The following PRKG1 variants were observed in gnomAD, a reference collection of about 807,000 sequenced individuals.
PRKG1 encodes protein kinase cGMP-dependent 1, also known as cGMP-dependent protein kinase 1.
In PRKG1, 35 loss-of-function variants were observed where a neutral mutation model predicts 88.1. The ratio of observed to expected loss-of-function variants is 0.40; its 90% CI spans 0.30 to 0.53. PRKG1 has a LOEUF of 0.53. PRKG1 is among the 20% of genes least tolerant of loss of function. The probability of loss-of-function intolerance (pLI) is 0.59; values close to 1 mark genes in which losing one functional copy is unlikely to be tolerated. For synonymous variants in PRKG1, 303 were observed against 292.5 expected (o/e 1.04, Z -0.37); for missense variants, 540 against 839.8 (o/e 0.64, Z 4.41).
intron 3 of PRKG1, among the ~76,000 whole-genome samples, chr10:51,495,495 C>A (rs1248964368): frequency 6.6e-6 from 1 of 152,162 alleles, no homozygotes; most frequent in Non-Finnish European, 1.5e-5. Context: ...GGAAAGATAT[C>A]ATTCCATATA....
chr10:51,320,080 C>T (rs139854146), intron 2 of PRKG1: 45 of 173,784 alleles, frequency 2.6e-4, no homozygotes, highest in African/African-American at 1.0e-3. Context: ...AGATCGGCAG[C>T]CTTCAGAAAC....
chr10:52,280,859 T>G lies in PRKG1; in HGVS notation c.1474T>G (p.Ser492Ala). ...GGTAGAAGCTTTTGCCTATCTGCAT[T>G]CCAAAGGAATCATTTACAGGGACCT... ...CVVEAFAYLH[S>A]KGIIYRDLKP... The change falls in exon 13 of 18, where the codon TCC becomes GCC. Residue 492 changes from serine to alanine, a missense_variant. By Grantham distance (99) the Ser-to-Ala change is moderately conservative. Transcript: ENST00000373980. 6.2e-7 allele frequency: 1 copy of G among 1,613,468 alleles called. No individual in the cohort carries two copies. Among genetic ancestry groups the G allele is most frequent in the Non-Finnish European group, 8.5e-7 (1 of 1,179,558 alleles).
At chr10:51,603,188 C>G (rs1838663069) in intron 3 of PRKG1, among the ~76,000 whole-genome samples, 1 of 152,064 alleles carries the variant, frequency 6.6e-6, no homozygotes, top group African/African-American at 2.4e-5. Context: ...GACCTCCTGA[C>G]CTCAAGTGCT....
intron 5 of PRKG1, among the ~76,000 whole-genome samples, chr10:51,954,377 G>T (rs1474760867): frequency 6.6e-6 from 1 of 151,940 alleles, no homozygotes; most frequent in East Asian, 1.9e-4. Flanking sequence ...TGCATTTCTA[G>T]ACCAACATTG....
intron 2 of PRKG1, among the ~76,000 whole-genome samples, chr10:51,402,641 G>A (rs536171600): frequency 6.6e-6 from 1 of 152,286 alleles, no homozygotes; most frequent in African/African-American, 2.4e-5. Flanking sequence ...TGGTGATAAG[G>A]GCTGTCAGAT....
intron 2 of PRKG1, among the ~76,000 whole-genome samples, chr10:51,398,486 C>A (rs1218391011): frequency 6.6e-6 from 1 of 152,114 alleles, no homozygotes; most frequent in Non-Finnish European, 1.5e-5. Flanking sequence ...AGGACCCCTG[C>A]CTTAAGGAAC....
intron 3 of PRKG1, among the ~76,000 whole-genome samples, chr10:51,551,890 A>T (rs899806354): frequency 6.6e-6 from 1 of 151,748 alleles, no homozygotes; most frequent in Admixed American, 6.6e-5. Context: ...CCTTGGCTCC[A>T]GCCTTTAAAT....
chr10:51,535,788 G>C (rs974978180), intron 3 of PRKG1, among the ~76,000 whole-genome samples: 1 of 149,312 alleles, frequency 6.7e-6, no homozygotes, highest in Non-Finnish European at 1.5e-5. Context: ...GAAATGGCAC[G>C]ATATCAGCTC....
At chr10:51,002,463 G>C (rs1053080944) in intron 1 of PRKG1, among the ~76,000 whole-genome samples, 2 of 152,054 alleles carry the variant, frequency 1.3e-5, no homozygotes, top group Non-Finnish European at 1.5e-5. Context: ...ATATTTTTAA[G>C]AGAATAGCAA....
intron 7 of PRKG1, among the ~76,000 whole-genome samples, chr10:52,103,832 G>A (rs1370067738): frequency 1.3e-5 from 2 of 151,644 alleles, no homozygotes; most frequent in Non-Finnish European, 2.9e-5. Flanking sequence ...AGCAGCAAAG[G>A]GGTAATTAGT....
chr10:51,120,572 C>T (rs909935280), intron 1 of PRKG1, among the ~76,000 whole-genome samples: 16 of 152,156 alleles, frequency 1.1e-4, no homozygotes, highest in African/African-American at 3.1e-4. Flanking sequence ...ATTTCTCAAG[C>T]ACATGTAGAG....
rs566629353 is a variant in PRKG1, at chr10:51,361,270, C to T, written c.479-106453C>T. Reference sequence around the variant, plus strand: ...TTAGCCCATGCTACATGGCATGAACCGCTATACAGACTTTCCCTATATTAT... The same window carrying T: ...TTAGCCCATGCTACATGGCATGAACTGCTATACAGACTTTCCCTATATTAT... On this transcript the variant is annotated intron_variant, in intron 2 of 17. Transcript: ENST00000373980. 2.2e-4 allele frequency among the ~76,000 whole-genome samples: 34 copies of T among 151,948 alleles called. No individual in the cohort carries two copies. The East Asian group carries it at 3.5e-3, about 16-fold the overall frequency.
intron 3 of PRKG1, among the ~76,000 whole-genome samples, chr10:51,710,448 A>G (rs768931803): frequency 8.5e-5 from 13 of 152,188 alleles, no homozygotes; most frequent in Non-Finnish European, 1.8e-4. Flanking sequence ...ATTATGATTT[A>G]TAGTGGCATT....
chr10:51,485,030 G>A (rs1280880787), intron 3 of PRKG1, among the ~76,000 whole-genome samples: 1 of 152,088 alleles, frequency 6.6e-6, no homozygotes, highest in South Asian at 2.1e-4. Context: ...TGAGCTTCAG[G>A]CTGTTCCAGG....
intron 9 of PRKG1, among the ~76,000 whole-genome samples, chr10:52,179,793 A>G (rs571738209): frequency 6.6e-6 from 1 of 152,278 alleles, no homozygotes; most frequent in South Asian, 2.1e-4. Flanking sequence ...GGTTCAAGCA[A>G]TTATCCTGCC....
intron 3 of PRKG1, among the ~76,000 whole-genome samples, chr10:51,623,520 G>A (rs1171140578): frequency 6.6e-6 from 1 of 152,014 alleles, no homozygotes; most frequent in Non-Finnish European, 1.5e-5. Flanking sequence ...TTTCAGTTTT[G>A]AAGCCAACTT....
At chr10:52,251,734 A>G in intron 10 of PRKG1, 68 bp downstream of exon 10, 1 of 1,277,696 alleles carries the variant, frequency 7.8e-7, no homozygotes, top group Non-Finnish European at 1.1e-6. Context: ...CCCTAGATTA[A>G]GATTTCTTTC....
At chr10:51,034,668 T>TTTATATATATATATATATATATA (rs9299454) in intron 1 of PRKG1, among the ~76,000 whole-genome samples, 4 of 68,186 alleles carry the variant, frequency 5.9e-5, no homozygotes, top group Non-Finnish European at 8.2e-5. Flanking sequence ...AATATGTTAT[T>TTTATATATATATATATATATATA]TATATATATA....
intron 9 of PRKG1, among the ~76,000 whole-genome samples, chr10:52,217,336 T>TTG (rs1840135671): frequency 1.4e-5 from 1 of 69,634 alleles, no homozygotes; most frequent in Non-Finnish European, 3.1e-5. Flanking sequence ...ACGTACACAT[T>TTG]TATATATCTA....
Sources: gnomAD v4.1 joint callset for allele counts (sites outside exome capture counted in the v4.1 genomes callset) on GRCh38, gnomAD v4.1.1 for gene constraint, MANE v1.5 for transcripts, NCBI Gene and HGNC (gene_info 2026-07-23, HGNC 2026-07-21) for gene names.